The following RBFOX1 variants were observed in gnomAD, a reference collection of about 807,000 sequenced individuals.
RBFOX1 encodes RNA binding fox-1 homolog 1.
A neutral mutation model predicts 57.7 loss-of-function variants in RBFOX1; 8 were observed. The observed-to-expected ratio is 0.14, with a 90% CI of 0.08 to 0.25. The LOEUF (loss-of-function observed/expected upper bound fraction) is 0.25. Ranked by LOEUF, RBFOX1 falls within the 10% of genes least tolerant of loss-of-function variation. The pLI is 1.00. For synonymous variants in RBFOX1, 326 were observed against 222.4 expected, an observed-to-expected ratio of 1.47 and a Z score of -4.15; for missense variants, 611 against 548.5, an observed-to-expected ratio of 1.11 and a Z score of -1.14.
chr16:5,530,320 C>A (rs1034073081), intron 2 of RBFOX1, among the ~76,000 whole-genome samples: 15 of 152,270 alleles, frequency 9.9e-5, no homozygotes, highest in African/African-American at 3.6e-4. Context: ...ATTTATTGCT[C>A]TTATCGACCC....
intron 3 of RBFOX1, among the ~76,000 whole-genome samples, chr16:6,825,993 C>G (rs62017678): frequency 0.21 from 31,811 of 152,034 alleles, 4,261 homozygotes; most frequent in Non-Finnish European, 0.3. Flanking sequence ...AATGTTGAAC[C>G]TTCTTTACAT....
At chr16:6,974,003 C>G (rs909228889) in intron 3 of RBFOX1, among the ~76,000 whole-genome samples, 6 of 152,168 alleles carry the variant, frequency 3.9e-5, no homozygotes, top group Admixed American at 2.0e-4. Context: ...GTTCAGCTCT[C>G]ACTTTTAAGT....
intron 4 of RBFOX1, among the ~76,000 whole-genome samples, chr16:7,157,237 G>T (rs558816056): frequency 2.6e-5 from 4 of 152,160 alleles, no homozygotes; most frequent in African/African-American, 9.7e-5. Context: ...GCTGGCAGCT[G>T]CCTGCCATGA....
intron 2 of RBFOX1, among the ~76,000 whole-genome samples, chr16:6,583,517 C>T (rs1167961674): frequency 6.6e-6 from 1 of 152,210 alleles, no homozygotes; most frequent in Non-Finnish European, 1.5e-5. Context: ...TATTAGCTTC[C>T]ATTTTACATT....
chr16:6,662,480 A>G (rs1020997485), intron 3 of RBFOX1, among the ~76,000 whole-genome samples: 2 of 152,200 alleles, frequency 1.3e-5, no homozygotes, highest in African/African-American at 4.8e-5. Context: ...ATTTTCCTGC[A>G]GGCCGGTATT....
Position 7,248,448 on chromosome 16 carries a change from A to G in RBFOX1, c.27+196350A>G, listed in dbSNP as rs144919624. Among the ~76,000 whole-genome samples, 16 of 152,260 alleles carry G rather than the reference A, an allele frequency of 1.1e-4. No homozygotes were observed. In the East Asian group the frequency reaches 2.9e-3, roughly 28 times the overall value. ...CATATCTTTCCAGTCATTTGGGGGA[A>G]AAGGTAGGATCTGAATGAACAGAGA... On this transcript the variant is annotated intron_variant, in intron 4 of 15. Transcript: ENST00000550418.
chr16:6,462,596 T>A (rs961980547), intron 2 of RBFOX1, among the ~76,000 whole-genome samples: 7 of 152,174 alleles, frequency 4.6e-5, no homozygotes, highest in Non-Finnish European at 1.0e-4. Flanking sequence ...CACGTATTTC[T>A]TTCATTTTGG....
At chr16:6,413,518 C>T (rs559530200) in intron 2 of RBFOX1, among the ~76,000 whole-genome samples, 23 of 152,146 alleles carry the variant, frequency 1.5e-4, no homozygotes, top group African/African-American at 5.3e-4. Flanking sequence ...AGTCGGCTAT[C>T]ATTGCAAATG....
intron 4 of RBFOX1, among the ~76,000 whole-genome samples, chr16:7,282,691 T>C (rs1423193695): frequency 6.6e-6 from 1 of 152,186 alleles, no homozygotes; most frequent in Non-Finnish European, 1.5e-5. Context: ...CTGAGCAGTA[T>C]ACACTGCACC....
intron 3 of RBFOX1, among the ~76,000 whole-genome samples, chr16:6,796,037 A>G (rs547519090): frequency 1.3e-5 from 2 of 152,240 alleles, no homozygotes; most frequent in South Asian, 4.1e-4. Flanking sequence ...GCTGACAAAG[A>G]CATACCTGAG....
intron 2 of RBFOX1, among the ~76,000 whole-genome samples, chr16:6,547,156 C>T (rs2096908023): frequency 6.6e-6 from 1 of 152,200 alleles, no homozygotes; most frequent in African/African-American, 2.4e-5. Context: ...AGCCATTCTT[C>T]ATTTTAATTG....
At chr16:7,021,545 T>G (rs1048402220) in intron 3 of RBFOX1, among the ~76,000 whole-genome samples, 1 of 145,666 alleles carries the variant, frequency 6.9e-6, no homozygotes, top group African/African-American at 2.5e-5. Flanking sequence ...TTATAAAATT[T>G]TTATATTTAT....
intron 4 of RBFOX1, among the ~76,000 whole-genome samples, chr16:7,225,595 A>T (rs1293265346): frequency 1.3e-5 from 2 of 151,882 alleles, no homozygotes; most frequent in African/African-American, 2.4e-5. Context: ...TGAGATGATG[A>T]GATTGTGACC....
At chr16:6,526,857 A>AAAAAAAAAAAAAAAAAAAAAAAAC (rs1567560941) in intron 2 of RBFOX1, among the ~76,000 whole-genome samples, 5 of 130,420 alleles carry the variant, frequency 3.8e-5, no homozygotes, top group African/African-American at 1.5e-4. Flanking sequence ...AAAAAAAAAA[A>AAAAAAAAAAAAAAAAAAAAAAAAC]AACAACCAGA....
chr16:5,751,326 C>T (rs1168355178), intron 3 of RBFOX1, among the ~76,000 whole-genome samples: 2 of 150,842 alleles, frequency 1.3e-5, no homozygotes, highest in African/African-American at 2.5e-5. Context: ...ATTTGTAGTG[C>T]CCTACATTTG....
chr16:6,370,383 A>AG (rs2090252467), intron 2 of RBFOX1, among the ~76,000 whole-genome samples: 1 of 150,344 alleles, frequency 6.7e-6, no homozygotes, highest in Admixed American at 6.6e-5. Flanking sequence ...AAAAAAAAAA[A>AG]AAAAAAAAGA....
intron 1 of RBFOX1, among the ~76,000 whole-genome samples, chr16:6,311,484 T>G (rs952812599): frequency 5.9e-5 from 9 of 152,118 alleles, no homozygotes; most frequent in African/African-American, 2.2e-4. Context: ...AATCCGCTCC[T>G]GAAGTCAAAG....
intron 2 of RBFOX1, among the ~76,000 whole-genome samples, chr16:6,496,886 G>A (rs978093019): frequency 6.6e-6 from 1 of 152,150 alleles, no homozygotes; most frequent in African/African-American, 2.4e-5. Flanking sequence ...CTTGAACCCA[G>A]GAGGTGGAGA....
intron 5 of RBFOX1, among the ~76,000 whole-genome samples, chr16:7,578,304 G>C (rs888265306): frequency 1.3e-5 from 2 of 152,246 alleles, no homozygotes; most frequent in East Asian, 1.9e-4. Context: ...CAACAGTATA[G>C]GCAAAATGAC....
Sources: allele counts gnomAD v4.1 joint callset (sites outside exome capture counted in the v4.1 genomes callset), GRCh38; gene constraint gnomAD v4.1.1; transcripts MANE v1.5; gene names NCBI Gene and HGNC (gene_info 2026-07-23, HGNC 2026-07-21).